The following HACD2 variants were observed in gnomAD, a reference collection of about 807,000 sequenced individuals.
The protein encoded by HACD2 is very-long-chain (3R)-3-hydroxyacyl-CoA dehydratase 2.
Under a neutral mutation model 31.0 loss-of-function variants are expected in HACD2, and 15 were observed. The observed-to-expected ratio is 0.48, with a 90% CI of 0.32 to 0.75. HACD2 has a LOEUF of 0.75. HACD2 is among the 30% of genes least tolerant of loss of function. The pLI, the probability that HACD2 is intolerant of heterozygous loss-of-function variation, is 0.03. For synonymous variants in HACD2, 115 were observed against 122.2 expected (o/e 0.94, Z 0.39); for missense variants, 283 against 313.0 (o/e 0.90, Z 0.72).
chr3:123,548,740 G>T lies in HACD2; in HGVS notation c.292+19022C>A, dbSNP rs560253157. The stretch of plus-strand genomic sequence containing the variant: ...GGACTCAAGCAATCCTCCTGACTCA[G>T]CCTCTCTGAGTAGCTGGAACCACAG... On this transcript the variant is annotated intron_variant, in intron 3 of 6. Coordinates refer to ENST00000383657, the MANE Select transcript of HACD2 (RefSeq NM_198402.5). 2.0e-5 allele frequency among the ~76,000 whole-genome samples: 3 copies of T among 151,888 alleles called. No individual in the cohort carries two copies. In the East Asian group the frequency reaches 5.8e-4, roughly 29 times the overall value.
At chr3:123,522,939 GAC>G (rs1018894436) in intron 4 of HACD2, among the ~76,000 whole-genome samples, 38 of 152,182 alleles carry the variant, frequency 2.5e-4, no homozygotes, top group African/African-American at 8.7e-4. Flanking sequence ...ATGTGCCCCT[GAC>G]ACAGCATCTC....
chr3:123,538,234 C>T (rs1400531168), intron 3 of HACD2, among the ~76,000 whole-genome samples: 1 of 152,160 alleles, frequency 6.6e-6, no homozygotes, highest in Non-Finnish European at 1.5e-5. Context: ...ATAAATTTCA[C>T]ATAACCACAC....
At position 123,492,686 on chromosome 3, in the gene HACD2, T is replaced by C. The variant is rs1435748758; in HGVS notation, c.*2202A>G. 1.3e-5 allele frequency: 2 copies of C among 152,156 alleles called. No individual in the cohort carries two copies. The highest frequency in any genetic ancestry group is 2.9e-5 in the Non-Finnish European group (2 of 68,030). 9.4% of individuals were successfully genotyped at this position (152,156 alleles called of 1,614,324 possible). A position where few individuals can be genotyped will look rare whatever the true frequency, so the allele number is the denominator to read the frequency against. ...GTTTTTTATAAGTAGTGACAAATTA[T>C]AATAAGGAGGCCCAAATAAAACCCC... On this transcript the variant is annotated 3_prime_UTR_variant, in exon 7 of 7. Transcript: ENST00000383657.
chr3:123,566,644 C>T (rs1334334959), intron 3 of HACD2, among the ~76,000 whole-genome samples: 3 of 151,792 alleles, frequency 2.0e-5, no homozygotes, highest in Non-Finnish European at 2.9e-5. Context: ...TGCCTGTAAT[C>T]CCAGCACTTT....
intron 3 of HACD2, among the ~76,000 whole-genome samples, chr3:123,546,891 T>C (rs1157092900): frequency 6.6e-6 from 1 of 152,066 alleles, no homozygotes; most frequent in Non-Finnish European, 1.5e-5. Flanking sequence ...TAAGAAAAAA[T>C]ATGGTGGAAA....
chr3:123,574,018 G>C (rs1260926615), intron 2 of HACD2, among the ~76,000 whole-genome samples: 2 of 152,154 alleles, frequency 1.3e-5, no homozygotes, highest in African/African-American at 2.4e-5. Context: ...GGGCGAGAGA[G>C]GTTAAGATCA....
chr3:123,561,100 T>A (rs1576228671), intron 3 of HACD2, among the ~76,000 whole-genome samples: 1 of 150,844 alleles, frequency 6.6e-6, no homozygotes, highest in South Asian at 2.1e-4. Context: ...GAGGAGGGAG[T>A]GTTACAGTTC....
chr3:123,567,815 G>A (rs1445778204), intron 2 of HACD2, 35 bp from the exon 3 acceptor site: 1 of 1,402,496 alleles, frequency 7.1e-7, no homozygotes. Context: ...AGGAGAATTA[G>A]TAAGAATCAA....
intron 4 of HACD2, among the ~76,000 whole-genome samples, chr3:123,505,500 T>G (rs1472607134): frequency 6.6e-6 from 1 of 152,198 alleles, no homozygotes; most frequent in African/African-American, 2.4e-5. Context: ...ATTACATGAC[T>G]TAGCAACAAC....
chr3:123,494,988 AT>A lies in HACD2; in HGVS notation c.683-19del. ...GGGAAAAACTGAAAAGAAAAGAAAA[AT>A]TGGTTAAGAGGATGGTTTAAAATTG... is the stretch of plus-strand genomic sequence containing the variant. On this transcript the variant is annotated intron_variant, in intron 6 of 6. Transcript: ENST00000383657. The A allele has an allele frequency of 5.4e-6, 8 of 1,487,914 alleles. No homozygotes were observed. Among genetic ancestry groups the A allele is most frequent in the Non-Finnish European group, 7.3e-6 (8 of 1,090,108 alleles). 92.2% of individuals were successfully genotyped at this position (1,487,914 alleles called of 1,614,324 possible).
chr3:123,530,513 G>T (rs1233594975), intron 3 of HACD2, among the ~76,000 whole-genome samples: 1 of 151,742 alleles, frequency 6.6e-6, no homozygotes, highest in East Asian at 1.9e-4. Flanking sequence ...GGTTCAAGGG[G>T]TTCTCCTGCC....
rs188565582 is a variant in HACD2 at position 123,554,389 on chromosome 3, T to C, written c.292+13373A>G. 7.9e-5 allele frequency among the ~76,000 whole-genome samples: 12 copies of C among 152,206 alleles called. No individual in the cohort carries two copies. The East Asian group carries it at 2.1e-3, about 27-fold the overall frequency. On this transcript the variant is annotated intron_variant, in intron 3 of 6. Coordinates refer to ENST00000383657, the MANE Select transcript of HACD2 (RefSeq NM_198402.5). ...GGTGGTACACATCTGTAGTCCCAGC[T>C]GCTTGAGAGGCTGAGGCAGAAGGAT... is the stretch of plus-strand genomic sequence containing the variant.
chr3:123,580,069 TG>T (rs1448775663), intron 2 of HACD2, among the ~76,000 whole-genome samples: 1 of 151,560 alleles, frequency 6.6e-6, no homozygotes, highest in Non-Finnish European at 1.5e-5. Context: ...CTACTTAAAA[TG>T]CCTAAGTTTG....
rs139452996 is a variant in HACD2, at chr3:123,499,704, T to G, written c.682+811A>C. The G allele has an allele frequency of 3.5e-5, 16 of 452,420 alleles. No individual in the cohort carries two copies. The East Asian group carries it at 1.1e-3, about 31-fold the overall frequency. 28.0% of individuals were successfully genotyped at this position (452,420 alleles called of 1,614,324 possible). On this transcript the variant is annotated intron_variant, in intron 6 of 6. Coordinates refer to ENST00000383657, the MANE Select transcript of HACD2 (RefSeq NM_198402.5). Reference sequence around the variant, plus strand: ...AAAATAAGATTCAGAGTTACAGTGGTTATAGAAATAGCAAAATGAGAAGAA... The same window carrying G: ...AAAATAAGATTCAGAGTTACAGTGGGTATAGAAATAGCAAAATGAGAAGAA...
intron 4 of HACD2, among the ~76,000 whole-genome samples, chr3:123,524,404 A>G (rs2056253111): frequency 6.6e-6 from 1 of 152,180 alleles, no homozygotes; most frequent in Admixed American, 6.5e-5. Context: ...AGAGAGGCTA[A>G]TTAGAAGGAT....
intron 4 of HACD2, among the ~76,000 whole-genome samples, chr3:123,527,161 A>G (rs1053688231): frequency 6.6e-6 from 1 of 152,248 alleles, no homozygotes; most frequent in Non-Finnish European, 1.5e-5. Flanking sequence ...AGGTCATTGG[A>G]GACTATTGGA....
intron 2 of HACD2, among the ~76,000 whole-genome samples, chr3:123,580,508 G>A (rs1046278827): frequency 6.6e-6 from 1 of 151,982 alleles, no homozygotes; most frequent in African/African-American, 2.4e-5. Context: ...AGTGGGCTGG[G>A]TGCAGTGGTT....
intron 3 of HACD2, among the ~76,000 whole-genome samples, chr3:123,529,151 A>G (rs2056320889): frequency 6.6e-6 from 1 of 151,842 alleles, no homozygotes; most frequent in Non-Finnish European, 1.5e-5. Flanking sequence ...CCCAGGCTGG[A>G]GTGTAGTGGT....
At chr3:123,546,357 T>C (rs1160898863) in intron 3 of HACD2, among the ~76,000 whole-genome samples, 1 of 152,212 alleles carries the variant, frequency 6.6e-6, no homozygotes, top group Non-Finnish European at 1.5e-5. Flanking sequence ...TTACCCACTA[T>C]ACAATGTCCC....
Sources: allele counts gnomAD v4.1 joint callset (sites outside exome capture counted in the v4.1 genomes callset), GRCh38; gene constraint gnomAD v4.1.1; transcripts MANE v1.5; gene names NCBI Gene and HGNC (gene_info 2026-07-23, HGNC 2026-07-21).